ALG14: variants seen among roughly 807,000 people sequenced by gnomAD.
The protein encoded by ALG14 is ALG14 UDP-N-acetylglucosaminyltransferase subunit.
Under a neutral mutation model 22.8 loss-of-function variants are expected in ALG14, and 17 were observed. The observed-to-expected ratio is 0.75, with a 90% CI of 0.51 to 1.12. The LOEUF is 1.12. Ranked by LOEUF, ALG14 falls within the 50% of genes most tolerant of loss-of-function variation. The probability of loss-of-function intolerance (pLI) is 0.00; values close to 1 mark genes in which losing one functional copy is unlikely to be tolerated. For synonymous variants in ALG14, 89 were observed against 103.7 expected (o/e 0.86, Z 0.86); for missense variants, 288 against 271.8 (o/e 1.06, Z -0.42).
At chr1:95,051,444 C>G (rs1477315531) in intron 2 of ALG14, among the ~76,000 whole-genome samples, 2 of 152,186 alleles carry the variant, frequency 1.3e-5, no homozygotes, top group Non-Finnish European at 2.9e-5. Context: ...GCAATAGCCT[C>G]TAAACCCCTC....
At chr1:95,017,330 G>A (rs1040040836) in intron 3 of ALG14, among the ~76,000 whole-genome samples, 5 of 151,976 alleles carry the variant, frequency 3.3e-5, no homozygotes, top group African/African-American at 1.2e-4. Context: ...TGCAGGAAAA[G>A]CCTTAAAACA....
At chr1:95,029,900 A>G (rs2100776333) in intron 2 of ALG14, among the ~76,000 whole-genome samples, 1 of 152,310 alleles carries the variant, frequency 6.6e-6, no homozygotes, top group South Asian at 2.1e-4. Context: ...CTTTTATCAA[A>G]TCAATGTTTT....
At chr1:95,061,549 T>C (rs60491236) in intron 2 of ALG14, 6,980 of 152,184 alleles carry the variant, frequency 0.046, 216 homozygotes, top group South Asian at 0.083. Flanking sequence ...GGTAGGGTTC[T>C]AGGAGTGGGT....
intron 2 of ALG14, 129 bp downstream of exon 2, chr1:95,064,736 AT>A: frequency 1.4e-6 from 1 of 730,248 alleles, no homozygotes; most frequent in African/African-American, 1.8e-5. Context: ...AAGGAAATGT[AT>A]TTCATCACCA....
chr1:95,051,097 A>C (rs1377171863), intron 2 of ALG14, among the ~76,000 whole-genome samples: 1 of 152,082 alleles, frequency 6.6e-6, no homozygotes, highest in African/African-American at 2.4e-5. Flanking sequence ...GAAGACTCCA[A>C]AATCTATATT....
rs929507745 is a variant in ALG14, at chr1:94,981,448, T to C, written c.*1628A>G. ...TGATTCAGAGAAGACAGTTTTTTTGTTTTTTTTGCTTTTTTTTTTTAAAAA... is the reference window on the plus strand; with the variant it reads ...TGATTCAGAGAAGACAGTTTTTTTGCTTTTTTTGCTTTTTTTTTTTAAAAA... On this transcript the variant is annotated 3_prime_UTR_variant, in exon 4 of 4. Transcript: ENST00000370205. 1 of 124,230 alleles carries C rather than the reference T, an allele frequency of 8.0e-6. No homozygotes were observed. The highest frequency in any genetic ancestry group is 3.0e-5 in the African/African-American group (1 of 33,334). 7.7% of individuals were successfully genotyped at this position (124,230 alleles called of 1,614,324 possible).
At chr1:95,023,851 T>A (rs1348739197) in intron 3 of ALG14, among the ~76,000 whole-genome samples, 2 of 152,098 alleles carry the variant, frequency 1.3e-5, no homozygotes, top group Non-Finnish European at 2.9e-5. Context: ...AGGGAGTGGG[T>A]GTCTTTGTTT....
intron 3 of ALG14, among the ~76,000 whole-genome samples, chr1:95,011,267 A>G (rs1425410616): frequency 6.6e-6 from 1 of 152,072 alleles, no homozygotes; most frequent in African/African-American, 2.4e-5. Flanking sequence ...CTTATAAAAG[A>G]GACCCTAGAA....
intron 3 of ALG14, among the ~76,000 whole-genome samples, chr1:95,021,205 C>T (rs1023958971): frequency 1.3e-5 from 2 of 152,194 alleles, no homozygotes; most frequent in African/African-American, 2.4e-5. Flanking sequence ...AATAGCTTCT[C>T]TGACTTCTCC....
intron 3 of ALG14, among the ~76,000 whole-genome samples, chr1:94,996,228 T>C (rs904362012): frequency 2.0e-5 from 3 of 152,218 alleles, no homozygotes; most frequent in Admixed American, 6.5e-5. Flanking sequence ...ACCAGGAATA[T>C]ACATTTTAAA....
chr1:95,026,462 A>ATGTGTGTGTGTGTG (rs141495807), intron 3 of ALG14, among the ~76,000 whole-genome samples: 45 of 142,248 alleles, frequency 3.2e-4, no homozygotes, highest in East Asian at 8.3e-4. Flanking sequence ...AGCCCAAGGA[A>ATGTGTGTGTGTGTG]TGTGTGTGTG....
At chr1:95,001,484 T>C (rs1456377686) in intron 3 of ALG14, among the ~76,000 whole-genome samples, 1 of 152,190 alleles carries the variant, frequency 6.6e-6, no homozygotes, top group African/African-American at 2.4e-5. Flanking sequence ...ATTTGATTTC[T>C]ATGGCTTCTT....
At chr1:95,057,622 C>CTGTGTGTGTG (rs139544863) in intron 2 of ALG14, among the ~76,000 whole-genome samples, 5 of 144,018 alleles carry the variant, frequency 3.5e-5, no homozygotes, top group South Asian at 2.3e-4. Context: ...AGATGACCAT[C>CTGTGTGTGTG]TGTGTGTGTG....
rs2100703094 is a variant in ALG14 at position 94,978,781 on chromosome 1, A to T, written c.*4295T>A. 1 of 149,416 alleles carries T rather than the reference A, an allele frequency of 6.7e-6. No individual in the cohort carries two copies. The highest frequency in any genetic ancestry group is 3.4e-3 in the Middle Eastern group (1 of 290). The allele number at this position is 149,416 out of a possible 1,614,324, so 9.3% of individuals were successfully genotyped here. A position where few individuals can be genotyped will look rare whatever the true frequency, so the allele number is the denominator to read the frequency against. On this transcript the variant is annotated 3_prime_UTR_variant, in exon 4 of 4. Coordinates refer to ENST00000370205, the MANE Select transcript of ALG14 (RefSeq NM_144988.4). The stretch of plus-strand genomic sequence containing the variant: ...CTATCTAGAACACCAACTACCTTCT[A>T]CTCCGTCATAGTACCCTGTTACCCC...
At chr1:95,008,706 A>T (rs1437632204) in intron 3 of ALG14, among the ~76,000 whole-genome samples, 1 of 152,190 alleles carries the variant, frequency 6.6e-6, no homozygotes, top group Non-Finnish European at 1.5e-5. Flanking sequence ...ACCACTTTCT[A>T]CATGTACAAT....
intron 3 of ALG14, among the ~76,000 whole-genome samples, chr1:95,024,257 A>G (rs1187141185): frequency 2.6e-5 from 4 of 152,138 alleles, no homozygotes; most frequent in Non-Finnish European, 5.9e-5. Flanking sequence ...GATTATAGGC[A>G]TGAGCGACCG....
chr1:95,011,434 T>G (rs1425148453), intron 3 of ALG14, among the ~76,000 whole-genome samples: 1 of 151,814 alleles, frequency 6.6e-6, no homozygotes, highest in African/African-American at 2.4e-5. Context: ...TTCTTTCTTT[T>G]TTTTTTTTTG....
At chr1:95,035,537 A>G (rs960365246) in intron 2 of ALG14, among the ~76,000 whole-genome samples, 2 of 152,232 alleles carry the variant, frequency 1.3e-5, no homozygotes, top group Non-Finnish European at 2.9e-5. Context: ...AGGATGCTGA[A>G]GAGTGAAAAA....
chr1:94,985,569 G>C (rs1188392339), intron 3 of ALG14, among the ~76,000 whole-genome samples: 1 of 152,172 alleles, frequency 6.6e-6, no homozygotes, highest in Non-Finnish European at 1.5e-5. Flanking sequence ...AGGATTGCTG[G>C]ATCTTGAATG....
Sources: allele counts gnomAD v4.1 joint callset (sites outside exome capture counted in the v4.1 genomes callset), GRCh38; gene constraint gnomAD v4.1.1; transcripts MANE v1.5; gene names NCBI Gene and HGNC (gene_info 2026-07-23, HGNC 2026-07-21).